Variants in WFDC13 observed in about 807,000 individuals in gnomAD.
The protein encoded by WFDC13 is WAP four-disulfide core domain 13.
Under a neutral mutation model 10.9 loss-of-function variants are expected in WFDC13, and 6 were observed. That is an observed-to-expected ratio of 0.55 (90% CI 0.30 to 1.09). The LOEUF is 1.09. WFDC13 is among the 50% of genes least tolerant of loss of function. The probability of loss-of-function intolerance (pLI) is 0.06; values close to 1 mark genes in which losing one functional copy is unlikely to be tolerated. For synonymous variants in WFDC13, 38 were observed against 39.5 expected, an observed-to-expected ratio of 0.96 and a Z score of 0.14; for missense variants, 104 against 109.6, an observed-to-expected ratio of 0.95 and a Z score of 0.23.
intron 3 of WFDC13, among the ~76,000 whole-genome samples, chr20:45,706,772 A>C (rs140437698): frequency 3.2e-5 from 1 of 31,410 alleles, no homozygotes; most frequent in Non-Finnish European, 4.5e-5. Flanking sequence ...ACTCCGTCTC[A>C]AAAAAAAAAA....
intron 1 of WFDC13, among the ~76,000 whole-genome samples, chr20:45,703,226 C>T (rs1214628572): frequency 1.3e-5 from 2 of 152,132 alleles, no homozygotes; most frequent in Admixed American, 6.5e-5. Flanking sequence ...CTCTGTTGAG[C>T]CCCAAGCTCT....
At position 45,704,828 on chromosome 20, in the gene WFDC13, G is replaced by A; in HGVS notation, c.239+234G>A. 3.5e-6 allele frequency: 5 copies of A among 1,429,342 alleles called. No individual in the cohort carries two copies. The East Asian group carries it at 1.1e-4, about 33-fold the overall frequency. 88.5% of individuals were successfully genotyped at this position (1,429,342 alleles called of 1,614,324 possible). ...CCCATCACCATATCCGTGAATTTCTGACTCTGCCTCTCTGAACACACCCAC... is the reference window on the plus strand; with the variant it reads ...CCCATCACCATATCCGTGAATTTCTAACTCTGCCTCTCTGAACACACCCAC... On this transcript the variant is annotated intron_variant, in intron 2 of 3. Coordinates refer to ENST00000305479, the MANE Select transcript of WFDC13 (RefSeq NM_172005.2).
Position 45,707,973 on chromosome 20 carries a change from A to G in WFDC13, c.*138A>G, listed in dbSNP as rs1013648198. On this transcript the variant is annotated 3_prime_UTR_variant, in exon 4 of 4. Transcript: ENST00000305479. The stretch of plus-strand genomic sequence containing the variant: ...TGAGTTTGGCAATAAAGGCTAATCT[A>G]CCATAAAACTCTTGAAGCTTAAGCT... The G allele has an allele frequency of 5.3e-5, 8 of 152,224 alleles. No homozygotes were observed. The highest frequency in any genetic ancestry group is 1.0e-4 in the Non-Finnish European group (7 of 68,044). 9.4% of individuals were successfully genotyped at this position (152,224 alleles called of 1,614,324 possible).
At chr20:45,706,231 G>A (rs566814496) in intron 3 of WFDC13, among the ~76,000 whole-genome samples, 3 of 152,284 alleles carry the variant, frequency 2.0e-5, no homozygotes, top group Non-Finnish European at 2.9e-5. Flanking sequence ...TCTAGCCTCC[G>A]GGTTGACAGC....
At chr20:45,704,682 C>A in intron 2 of WFDC13, 88 bp downstream of exon 2, 2 of 1,473,508 alleles carry the variant, frequency 1.4e-6, no homozygotes, top group Non-Finnish European at 1.8e-6. Flanking sequence ...TGTGCTGGAT[C>A]TCTCCTTTTT....
At position 45,704,989 on chromosome 20, in the gene WFDC13, C is replaced by T. The variant is rs1224998806; in HGVS notation, c.239+395C>T. 1.9e-6 allele frequency: 3 copies of T among 1,614,112 alleles called. No homozygotes were observed. The Admixed American group carries it at 5.0e-5, about 27-fold the overall frequency. On this transcript the variant is annotated intron_variant, in intron 2 of 3. Coordinates refer to ENST00000305479, the MANE Select transcript of WFDC13 (RefSeq NM_172005.2). ...TGCTTGCCCTCCTTTCACAAGACAC[C>T]ATCCTTTGGCCACCAGTGTTCTTGG... is the stretch of plus-strand genomic sequence containing the variant.
chr20:45,704,660 C>T lies in WFDC13; in HGVS notation c.239+66C>T, dbSNP rs188076182. 170 of 1,576,474 alleles carry T rather than the reference C, an allele frequency of 1.1e-4. 1 individual carries two copies. Among genetic ancestry groups the T allele is most frequent in the Middle Eastern group, 5.1e-4 (3 of 5,844 alleles). Reference sequence around the variant, plus strand: ...TGGTGGGAGCCCAGCAGAAGAGTCCCTTACCAGCAACTGTGCTGGATCTCT... The same window carrying T: ...TGGTGGGAGCCCAGCAGAAGAGTCCTTTACCAGCAACTGTGCTGGATCTCT... On this transcript the variant is annotated intron_variant, in intron 2 of 3. Transcript: ENST00000305479.
chr20:45,708,684 T>C lies in WFDC13; in HGVS notation c.*849T>C, dbSNP rs1048920153. 4 of 152,200 alleles carry C rather than the reference T, an allele frequency of 2.6e-5. No homozygotes were observed. The highest frequency in any genetic ancestry group is 4.8e-5 in the African/African-American group (2 of 41,444). 9.4% of individuals were successfully genotyped at this position (152,200 alleles called of 1,614,324 possible). ...AAATATTAAAAAGGTATTATAAAGG[T>C]ATTTAAAATAATAATAATAAAGTGT... is the stretch of plus-strand genomic sequence containing the variant. On this transcript the variant is annotated 3_prime_UTR_variant, in exon 4 of 4. Coordinates refer to ENST00000305479, the MANE Select transcript of WFDC13 (RefSeq NM_172005.2).
At chr20:45,704,692 T>C in intron 2 of WFDC13, 98 bp downstream of exon 2, 1 of 1,512,776 alleles carries the variant, frequency 6.6e-7, no homozygotes. Flanking sequence ...CTCTCCTTTT[T>C]TTTTTTTTTC....
intron 1 of WFDC13, among the ~76,000 whole-genome samples, chr20:45,703,616 T>C (rs1245672060): frequency 1.3e-5 from 2 of 152,168 alleles, no homozygotes; most frequent in Admixed American, 1.3e-4. Context: ...ATGGGGCCCA[T>C]CTTTAGAGTC....
intron 2 of WFDC13, chr20:45,704,924 G>A: frequency 1.9e-6 from 3 of 1,613,996 alleles, no homozygotes; most frequent in Non-Finnish European, 2.5e-6. Context: ...GTACCTGCAG[G>A]TGTAACCAAA....
chr20:45,706,902 G>A (rs978988240), intron 3 of WFDC13, among the ~76,000 whole-genome samples: 10 of 152,196 alleles, frequency 6.6e-5, no homozygotes, highest in Non-Finnish European at 1.2e-4. Flanking sequence ...GGTGGATTTC[G>A]TTTCAGAGTA....
chr20:45,706,707 G>C (rs1984405380), intron 3 of WFDC13, among the ~76,000 whole-genome samples: 1 of 151,254 alleles, frequency 6.6e-6, no homozygotes, highest in Non-Finnish European at 1.5e-5. Context: ...AGGAGGCAGA[G>C]GTTGCAGTGA....
At chr20:45,704,293 C>A in intron 1 of WFDC13, 151 bp from the exon 2 acceptor site, 1 of 966,516 alleles carries the variant, frequency 1.0e-6, no homozygotes, top group Non-Finnish European at 1.5e-6. Flanking sequence ...AGGAAGGCAG[C>A]AGCTGAGGAC....
intron 1 of WFDC13, 87 bp downstream of exon 1, chr20:45,702,298 G>GA: frequency 7.6e-7 from 1 of 1,319,060 alleles, no homozygotes. Context: ...ACACCTCTTG[G>GA]AAAAATACCG....
At chr20:45,706,495 C>T (rs1004881500) in intron 3 of WFDC13, among the ~76,000 whole-genome samples, 12 of 150,388 alleles carry the variant, frequency 8.0e-5, no homozygotes, top group Non-Finnish European at 1.5e-4. Flanking sequence ...GGGAGTGGGC[C>T]GGGTATGGTG....
At chr20:45,705,990 C>A in intron 3 of WFDC13, 63 bp downstream of exon 3, 1 of 1,426,290 alleles carries the variant, frequency 7.0e-7, no homozygotes, top group Non-Finnish European at 9.8e-7. Flanking sequence ...TCACTTTCTT[C>A]CTGTAGCCTC....
intron 1 of WFDC13, among the ~76,000 whole-genome samples, chr20:45,703,195 A>G (rs994360488): frequency 1.3e-5 from 2 of 152,208 alleles, no homozygotes; most frequent in Non-Finnish European, 2.9e-5. Flanking sequence ...TCTCTGGATC[A>G]TGGTGTCTAT....
At chr20:45,705,171 T>C in intron 2 of WFDC13, 2 of 610,332 alleles carry the variant, frequency 3.3e-6, no homozygotes, top group South Asian at 4.1e-5. Context: ...ACTATGTCTT[T>C]CTATGACCTT....
Sources: allele counts gnomAD v4.1 joint callset (sites outside exome capture counted in the v4.1 genomes callset), GRCh38; gene constraint gnomAD v4.1.1; transcripts MANE v1.5; gene names NCBI Gene and HGNC (gene_info 2026-07-23, HGNC 2026-07-21).